The following MYH15 variants were observed in gnomAD, a reference collection of about 807,000 sequenced individuals.
MYH15 encodes the protein myosin heavy chain 15, also known as myosin-15.
A neutral mutation model predicts 240.5 loss-of-function variants in MYH15; 227 were observed. The ratio of observed to expected loss-of-function variants is 0.94; its 90% CI spans 0.85 to 1.05. The LOEUF (loss-of-function observed/expected upper bound fraction) is 1.05, where lower values mean the gene tolerates loss of function less well. Ranked by LOEUF, MYH15 falls within the 50% of genes least tolerant of loss-of-function variation. MYH15 has a pLI of 0.00. For synonymous variants in MYH15, 785 were observed against 796.7 expected, an observed-to-expected ratio of 0.99 and a Z score of 0.25; for missense variants, 2,217 against 2,247.5, an observed-to-expected ratio of 0.99 and a Z score of 0.27.
the MYH15 span, chr3:108,550,659 C>T: frequency 2.6e-5 from 4 of 151,660 alleles, no homozygotes; most frequent in Non-Finnish European, 5.9e-5. Flanking sequence ...TTCTTTTGTG[C>T]TTCTTCAGAG....
chr3:108,529,871 T>C (rs949399564), upstream of MYH15, among the ~76,000 whole-genome samples: 2 of 152,126 alleles, frequency 1.3e-5, no homozygotes, highest in South Asian at 4.1e-4. Context: ...CAGTCTGTAG[T>C]GGCTGAGATG....
intron 35 of MYH15, among the ~76,000 whole-genome samples, chr3:108,394,453 A>G (rs1028127841): frequency 6.6e-6 from 1 of 152,208 alleles, no homozygotes; most frequent in Non-Finnish European, 1.5e-5. Flanking sequence ...CAATGGGTTG[A>G]GGAAATGTTT....
At chr3:108,384,829 AGTCTACGTTGGT>A (rs2082369892) in intron 38 of MYH15, 47 bp from the exon 39 acceptor site, 2 of 1,529,018 alleles carry the variant, frequency 1.3e-6, no homozygotes, top group East Asian at 4.5e-5. Flanking sequence ...AGGATCCAGC[AGTCTACGTTGGT>A]GTAGTCTCAT....
chr3:108,404,000 T>A (rs1334091261), intron 33 of MYH15, among the ~76,000 whole-genome samples: 2 of 146,906 alleles, frequency 1.4e-5, no homozygotes, highest in African/African-American at 5.1e-5. Context: ...TTTTTTTTTT[T>A]ATCTGCACAA....
At chr3:108,531,335 G>C (rs1458230112), upstream of MYH15, among the ~76,000 whole-genome samples, 1 of 152,148 alleles carries the variant, frequency 6.6e-6, no homozygotes, top group African/African-American at 2.4e-5. Flanking sequence ...TGCTTGAATG[G>C]CTTCATTCCA....
At chr3:108,470,354 T>G in intron 13 of MYH15, 142 bp from the exon 14 acceptor site, 1 of 582,494 alleles carries the variant, frequency 1.7e-6, no homozygotes. Context: ...TCAATTAACT[T>G]AATTAATTGT....
At chr3:108,390,178 A>G (rs2082413564) in intron 37 of MYH15, among the ~76,000 whole-genome samples, 1 of 152,078 alleles carries the variant, frequency 6.6e-6, no homozygotes, top group Non-Finnish European at 1.5e-5. Flanking sequence ...TGATTAAAAC[A>G]CCTTGGGGAA....
chr3:108,405,857 T>G (rs2082542825), intron 32 of MYH15, among the ~76,000 whole-genome samples: 1 of 152,216 alleles, frequency 6.6e-6, no homozygotes, highest in Non-Finnish European at 1.5e-5. Flanking sequence ...AATCTTCTAT[T>G]AAATTCTGGA....
In MYH15 at chr3:108,383,614, G is replaced by C; in HGVS notation, c.5747C>G (p.Ala1916Gly). Residue 1916 changes from alanine (A) to glycine (G), a missense_variant, in exon 40 of 41, where the codon GCA becomes GGA. Physicochemically the swap from Ala to Gly is moderately conservative, Grantham distance 60. Transcript: ENST00000693548. Reference sequence around the variant, plus strand: ...CCATACCTTTTTCCCAAACTCTCTTGCTTTAATTTTGAGTTTATTGACTTG... The same window carrying C: ...CCATACCTTTTTCCCAAACTCTCTTCCTTTAATTTTGAGTTTATTGACTTG... ...ESQVNKLKIKAREFGKKVQEE is the reference protein window; with the variant it reads ...ESQVNKLKIKGREFGKKVQEE 1.2e-6 allele frequency: 2 copies of C among 1,612,826 alleles called. No homozygotes were observed. The highest frequency in any genetic ancestry group is 1.7e-4 in the Middle Eastern group (1 of 6,050).
chr3:108,401,932 A>AG (rs2082508857), intron 33 of MYH15, among the ~76,000 whole-genome samples: 1 of 152,238 alleles, frequency 6.6e-6, no homozygotes, highest in South Asian at 2.1e-4. Context: ...CAATATAGGA[A>AG]GAAGTACCTT....
chr3:108,544,103 G>A, the MYH15 span, among the ~76,000 whole-genome samples: 1 of 152,188 alleles, frequency 6.6e-6, no homozygotes, highest in African/African-American at 2.4e-5. Context: ...TCTAAAAGAA[G>A]CCACTGATTT....
Position 108,389,032 on chromosome 3 carries a change from T to G in MYH15, c.5473A>C (p.Ser1825Arg), listed in dbSNP as rs540997456. 3.1e-6 allele frequency: 5 copies of G among 1,613,938 alleles called. No homozygotes were observed. Among genetic ancestry groups the G allele is most frequent in the Admixed American group, 1.7e-5 (1 of 60,014 alleles). Residue 1825 changes from serine to arginine, a missense_variant, in exon 38 of 41, where the codon AGT becomes CGT. By Grantham distance (110) the Ser-to-Arg change is moderately radical. Coordinates refer to ENST00000693548, the MANE Select transcript of MYH15 (RefSeq NM_014981.3). ...EGELEGEIRR[S>R]AEAQRGARRL... ...CGGGCTCCCCTCTGGGCCTCTGCAC[T>G]GCGACGGATTTCACCCTCCAGTTCA...
chr3:108,481,178 T>C (rs116034397), intron 11 of MYH15, among the ~76,000 whole-genome samples: 4 of 152,326 alleles, frequency 2.6e-5, no homozygotes, highest in African/African-American at 9.6e-5. Context: ...AAAAAAATAC[T>C]AGGCTGAAAC....
Position 108,383,744 on chromosome 3 carries a change from A to T in MYH15, c.5632-15T>A. 6.5e-7 allele frequency: 1 copy of T among 1,533,474 alleles called. No individual in the cohort carries two copies. Among genetic ancestry groups the T allele is most frequent in the Non-Finnish European group, 8.7e-7 (1 of 1,148,046 alleles). 95.0% of individuals were successfully genotyped at this position (1,533,474 alleles called of 1,614,324 possible). On this transcript the variant is annotated splice_polypyrimidine_tract_variant and intron_variant, in intron 39 of 40. Transcript: ENST00000693548. ...GCTTGTGTTTCCTATAAAAATAAAA[A>T]AAAAAAAAAAGAAATCTCCATGCCT...
At chr3:108,542,999 G>A in the MYH15 span, among the ~76,000 whole-genome samples, 2 of 151,216 alleles carry the variant, frequency 1.3e-5, no homozygotes, top group East Asian at 3.9e-4. Flanking sequence ...TCCTGCCTCA[G>A]CCTCCTGAGT....
chr3:108,453,931 G>A (rs1171276580), intron 21 of MYH15, 75 bp downstream of exon 21: 1 of 1,450,352 alleles, frequency 6.9e-7, no homozygotes, highest in Non-Finnish European at 9.4e-7. Context: ...CCTACTATAA[G>A]GCAATGAGAT....
At chr3:108,387,312 T>A (rs2082390811) in intron 38 of MYH15, among the ~76,000 whole-genome samples, 1 of 152,152 alleles carries the variant, frequency 6.6e-6, no homozygotes, top group African/African-American at 2.4e-5. Flanking sequence ...AAATGTGGAG[T>A]GTCCTCTAAT....
intron 1 of MYH15, among the ~76,000 whole-genome samples, chr3:108,506,988 G>A (rs2083481814): frequency 6.6e-6 from 1 of 151,922 alleles, no homozygotes; most frequent in Admixed American, 6.6e-5. Context: ...CCGAGATCGT[G>A]CCATTGCACT....
rs771247217 is a variant in MYH15, at chr3:108,460,304, T to C, written c.1928A>G (p.His643Arg). ...ATAGACGCAATTAAAAATTACTTTA[T>C]GCAGAGATGCAACCGTTTGGAATGA... is the stretch of plus-strand genomic sequence containing the variant. ...GASFQTVASL[H>R]KENLNKLMTN... Residue 643 changes from histidine (H) to arginine (R), a missense_variant, in exon 17 of 41, where the codon CAT (histidine) becomes CGT (arginine). By Grantham distance (29) the His-to-Arg change is conservative. Coordinates refer to ENST00000693548, the MANE Select transcript of MYH15 (RefSeq NM_014981.3). 1.3e-6 allele frequency: 2 copies of C among 1,599,384 alleles called. No individual in the cohort carries two copies. The highest frequency in any genetic ancestry group is 2.3e-5 in the South Asian group (2 of 87,914).
Sources: gnomAD v4.1 joint callset for allele counts (sites outside exome capture counted in the v4.1 genomes callset) on GRCh38, gnomAD v4.1.1 for gene constraint, MANE v1.5 for transcripts, NCBI Gene and HGNC (gene_info 2026-07-23, HGNC 2026-07-21) for gene names.